Variants in PPARG observed in about 807,000 individuals in gnomAD.
PPARG encodes peroxisome proliferator activated receptor gamma.
In PPARG, 17 loss-of-function variants were observed where a neutral mutation model predicts 39.2. The observed-to-expected ratio is 0.43, with a 90% CI of 0.30 to 0.65. PPARG has a LOEUF of 0.65. PPARG is among the 30% of genes least tolerant of loss of function. The pLI is 0.13. For missense variants in PPARG, 406 were observed against 585.9 expected (o/e 0.69, Z 3.17); for synonymous variants, 223 against 215.7 (o/e 1.03, Z -0.30).
intron 7 of PPARG, among the ~76,000 whole-genome samples, chr3:12,428,008 GCAGCTCCTAGAATAGAGA>G (rs1244629800): frequency 6.6e-6 from 1 of 152,202 alleles, no homozygotes; most frequent in Non-Finnish European, 1.5e-5. Context: ...AGCCAGGAGA[GCAGCTCCTAGAATAGAGA>G]CAAAACCACC....
chr3:12,425,306 G>A (rs1047001960), intron 7 of PPARG, among the ~76,000 whole-genome samples: 8 of 152,302 alleles, frequency 5.3e-5, no homozygotes, highest in South Asian at 2.1e-4. Context: ...TTTAGAGAGC[G>A]TGCATGTGTT....
chr3:12,425,042 G>A (rs752568791), intron 7 of PPARG, among the ~76,000 whole-genome samples: 3 of 152,130 alleles, frequency 2.0e-5, no homozygotes, highest in Non-Finnish European at 2.9e-5. Context: ...TCTTAAGATC[G>A]CTTATTACAA....
In PPARG at chr3:12,351,376, C is replaced by T. The variant is rs2048481328; in HGVS notation, c.-8-28328C>T. On this transcript the variant is annotated intron_variant, in intron 2 of 7. Coordinates refer to ENST00000651735, the MANE Select transcript of PPARG (RefSeq NM_138711.6). ...AACATTATGACACAACTTTTTGTCA[C>T]AGCTGGCTCCTAATAGGACAGTGCC... 7 of 592,508 alleles carry T rather than the reference C, an allele frequency of 1.2e-5. No individual in the cohort carries two copies. In the South Asian group the frequency reaches 1.4e-4, roughly 12 times the overall value. 36.7% of individuals were successfully genotyped at this position (592,508 alleles called of 1,614,324 possible).
chr3:12,428,472 T>C (rs1022342536), intron 7 of PPARG, among the ~76,000 whole-genome samples: 2 of 152,240 alleles, frequency 1.3e-5, no homozygotes, highest in Non-Finnish European at 2.9e-5. Context: ...CAGACTCAAC[T>C]GTAACCTCAG....
intron 2 of PPARG, among the ~76,000 whole-genome samples, chr3:12,379,257 C>T (rs1029062745): frequency 1.3e-4 from 19 of 151,940 alleles, no homozygotes; most frequent in African/African-American, 4.6e-4. Flanking sequence ...CTCCTGCCTC[C>T]GCCTCCCAAA....
chr3:12,392,829 C>A, intron 5 of PPARG, 77 bp downstream of exon 5: 2 of 1,550,186 alleles, frequency 1.3e-6, no homozygotes, highest in Non-Finnish European at 1.8e-6. Context: ...AAGCCATTGC[C>A]AAAAATGTGT....
At chr3:12,413,638 G>A (rs761670767) in intron 6 of PPARG, among the ~76,000 whole-genome samples, 8 of 151,534 alleles carry the variant, frequency 5.3e-5, no homozygotes, top group East Asian at 1.9e-4. Context: ...GTGAAACCCC[G>A]TCTATACTAA....
intron 4 of PPARG, among the ~76,000 whole-genome samples, chr3:12,386,499 A>G (rs1301091656): frequency 6.6e-6 from 1 of 152,092 alleles, no homozygotes; most frequent in Non-Finnish European, 1.5e-5. Context: ...AATTTCCATT[A>G]TAAGAGTTAA....
intron 1 of PPARG, among the ~76,000 whole-genome samples, chr3:12,309,730 A>C (rs2124984721): frequency 6.6e-6 from 1 of 152,298 alleles, no homozygotes; most frequent in Non-Finnish European, 1.5e-5. Context: ...AGTCAACTTC[A>C]CCATTTATTT....
At chr3:12,429,690 C>G (rs901803160) in intron 7 of PPARG, among the ~76,000 whole-genome samples, 1 of 152,156 alleles carries the variant, frequency 6.6e-6, no homozygotes. Context: ...CGGCACCTGT[C>G]TTTAGATGCA....
At chr3:12,311,592 A>G (rs1055401856) in intron 1 of PPARG, among the ~76,000 whole-genome samples, 5 of 152,206 alleles carry the variant, frequency 3.3e-5, no homozygotes, top group Non-Finnish European at 7.3e-5. Context: ...AAGAGAAAAT[A>G]CTGTAGAGTT....
chr3:12,304,440 A>G (rs760454266), intron 1 of PPARG, among the ~76,000 whole-genome samples: 3 of 152,200 alleles, frequency 2.0e-5, no homozygotes, highest in Admixed American at 2.0e-4. Flanking sequence ...TAGCCTTACT[A>G]TATTTTGGGG....
chr3:12,352,830 A>G (rs991398908), intron 2 of PPARG, among the ~76,000 whole-genome samples: 27 of 152,214 alleles, frequency 1.8e-4, no homozygotes, highest in Non-Finnish European at 3.8e-4. Context: ...TAAGCCTCTT[A>G]ACTAGGAGTT....
chr3:12,404,683 T>G (rs2050594929), intron 5 of PPARG, among the ~76,000 whole-genome samples: 1 of 152,148 alleles, frequency 6.6e-6, no homozygotes, highest in Admixed American at 6.5e-5. Flanking sequence ...CCACCCCTTG[T>G]AATCCCAGCT....
intron 1 of PPARG, among the ~76,000 whole-genome samples, chr3:12,294,815 C>G (rs1470502370): frequency 6.6e-6 from 1 of 152,168 alleles, no homozygotes; most frequent in African/African-American, 2.4e-5. Flanking sequence ...ATCGGTTGAA[C>G]CCGGGAGGCA....
upstream of PPARG, chr3:12,288,895 G>C (rs551411631): frequency 6.6e-6 from 1 of 152,484 alleles, no homozygotes; most frequent in East Asian, 1.9e-4. Context: ...GCCTAACTGA[G>C]GGGGGTAGAG....
intron 6 of PPARG, among the ~76,000 whole-genome samples, chr3:12,409,490 C>T (rs1304174790): frequency 6.6e-6 from 1 of 151,804 alleles, no homozygotes; most frequent in African/African-American, 2.4e-5. Flanking sequence ...TCATGTTACT[C>T]ATTTGATAGC....
At chr3:12,338,136 A>T (rs747683740) in intron 2 of PPARG, among the ~76,000 whole-genome samples, 3 of 152,248 alleles carry the variant, frequency 2.0e-5, no homozygotes, top group Non-Finnish European at 4.4e-5. Flanking sequence ...ATCATTATTC[A>T]GGCATAGGTA....
chr3:12,379,568 T>C (rs140888574), intron 2 of PPARG, 136 bp from the exon 3 acceptor site: 12,864 of 763,104 alleles, frequency 0.017, 171 homozygotes, highest in Non-Finnish European at 0.021. Flanking sequence ...AAGGTGGTTA[T>C]GTTCTTTTCT....
Sources: gnomAD v4.1 joint callset for allele counts (sites outside exome capture counted in the v4.1 genomes callset) on GRCh38, gnomAD v4.1.1 for gene constraint, MANE v1.5 for transcripts, NCBI Gene and HGNC (gene_info 2026-07-23, HGNC 2026-07-21) for gene names.